The following TMEM235 variants were observed in gnomAD, a reference collection of about 807,000 sequenced individuals.
The protein encoded by TMEM235 is transmembrane protein 235.
Under a neutral mutation model 22.9 loss-of-function variants are expected in TMEM235, and 23 were observed. The observed-to-expected ratio is 1.00, with a 90% CI of 0.72 to 1.42. The LOEUF (loss-of-function observed/expected upper bound fraction) is 1.42. Ranked by LOEUF, TMEM235 falls within the 40% of genes most tolerant of loss-of-function variation. The pLI, the probability that TMEM235 is intolerant of heterozygous loss-of-function variation, is 0.00. For synonymous variants in TMEM235, 137 were observed against 140.5 expected (o/e 0.98, Z 0.17); for missense variants, 308 against 299.5 (o/e 1.03, Z -0.21).
At chr17:78,233,809 G>T (rs2076611051) in intron 2 of TMEM235, 86 bp from the exon 2 acceptor site, 4 of 1,226,238 alleles carry the variant, frequency 3.3e-6, no homozygotes, top group Non-Finnish European at 3.4e-6. Context: ...AGGGCCCTGT[G>T]GTGCCAGGGG....
chr17:78,232,294 G>A (rs779219794), intron 2 of TMEM235, 81 bp downstream of exon 1: 9 of 1,300,078 alleles, frequency 6.9e-6, no homozygotes, highest in Non-Finnish European at 8.0e-6. Context: ...TGCTCGTGTT[G>A]CCCCGCCAGA....
At position 78,239,008 on chromosome 17, in the gene TMEM235, C is replaced by T. The variant is rs2076676484; in HGVS notation, c.410-16C>T. On this transcript the variant is annotated splice_polypyrimidine_tract_variant and intron_variant, in intron 4 of 5. Transcript: ENST00000421688. ...GAGCAGACACCGAGCAGCTGCCCTCCCCATCTCTCCCCCAGGTGTCCTGAC... is the reference window on the plus strand; with the variant it reads ...GAGCAGACACCGAGCAGCTGCCCTCTCCATCTCTCCCCCAGGTGTCCTGAC... The T allele has an allele frequency of 1.3e-6, 2 of 1,531,090 alleles. No individual in the cohort carries two copies. The highest frequency in any genetic ancestry group is 8.8e-7 in the Non-Finnish European group (1 of 1,139,232). 94.8% of individuals were successfully genotyped at this position (1,531,090 alleles called of 1,614,324 possible). A position where few individuals can be genotyped will look rare whatever the true frequency, so the allele number is the denominator to read the frequency against.
At chr17:78,239,104 C>T (rs1434420782) in exon 5 of TMEM235, 5 of 1,544,172 alleles carry the variant, frequency 3.2e-6, no homozygotes, top group Non-Finnish European at 2.6e-6. Context: ...GCAGTATGGC[C>T]CGCAGCACAT....
At chr17:78,234,386 A>T (rs1170709435) in intron 3 of TMEM235, 5 of 775,992 alleles carry the variant, frequency 6.4e-6, no homozygotes, top group Non-Finnish European at 1.1e-5. Flanking sequence ...GGGGGCTGGG[A>T]GTGTTCTGGG....
intron 2 of TMEM235, among the ~76,000 whole-genome samples, chr17:78,233,028 G>A (rs998343889): frequency 2.6e-5 from 4 of 152,190 alleles, no homozygotes; most frequent in African/African-American, 9.7e-5. Flanking sequence ...TGTGTGGGTG[G>A]TGCACATGTG....
At chr17:78,239,333 C>A in intron 5 of TMEM235, 60 bp downstream of exon 4, 1 of 1,485,630 alleles carries the variant, frequency 6.7e-7, no homozygotes, top group Non-Finnish European at 8.9e-7. Context: ...GGGCCAGGGC[C>A]CCTTGAGAGT....
chr17:78,237,641 C>T lies in TMEM235; in HGVS notation c.410-1383C>T, dbSNP rs944807369. 5.1e-4 allele frequency among the ~76,000 whole-genome samples: 71 copies of T among 139,656 alleles called. No homozygotes were observed. Among genetic ancestry groups the T allele is most frequent in the Non-Finnish European group, 9.6e-4 (60 of 62,294 alleles). 91.6% of individuals were successfully genotyped at this position (139,656 alleles called of 152,430 possible). On this transcript the variant is annotated intron_variant, in intron 4 of 5. Transcript: ENST00000421688. This position sits in a 1 kb window ranked among gnomAD's most constrained non-coding sequence, Gnocchi z 4.7. ...TGGGCTGCAGCTGCAGCCAGTGCTA[C>T]AGGCAGAGACAGGCAGAGACAGGCA...
exon 5 of TMEM235, chr17:78,239,028 C>T: frequency 6.5e-7 from 1 of 1,539,568 alleles, no homozygotes; most frequent in South Asian, 1.2e-5. Context: ...CCCCAGGTGT[C>T]CTGACACTGG....
intron 5 of TMEM235, among the ~76,000 whole-genome samples, 168 bp from the exon 5 acceptor site, chr17:78,239,612 G>A (rs2145929432): frequency 6.6e-6 from 1 of 152,232 alleles, no homozygotes; most frequent in East Asian, 1.9e-4. Context: ...TCAAGGGTGT[G>A]GCCTGAACTC....
At chr17:78,239,140 T>C (rs2076680193) in exon 5 of TMEM235, 1 of 1,542,962 alleles carries the variant, frequency 6.5e-7, no homozygotes, top group Non-Finnish European at 8.7e-7. Context: ...CAGCTTCGGC[T>C]GGTCCATGGC....
chr17:78,232,143 C>A, exon 2 of TMEM235: 5 of 1,488,816 alleles, frequency 3.4e-6, no homozygotes, highest in Non-Finnish European at 4.4e-6. Flanking sequence ...CGGACGCCGG[C>A]AATGGCAGCG....
rs55893266 is a variant in TMEM235 at position 78,238,550 on chromosome 17, CTGTG to C, written c.410-441_410-438del. On this transcript the variant is annotated intron_variant, in intron 4 of 5. Transcript: ENST00000421688. This position sits in a 1 kb window ranked among gnomAD's most constrained non-coding sequence, Gnocchi z 4.3. ...GCTGCTGCCAGCAGAGGCCATGGCT[CTGTG>C]TGTGTGTGTGTGTGTGTGTGTGTGT... Among the ~76,000 whole-genome samples the C allele has an allele frequency of 0.021, 2,894 of 138,286 alleles. 38 individuals are homozygous for C. The highest frequency in any genetic ancestry group is 0.028 in the African/African-American group (1,023 of 37,164). 90.7% of individuals were successfully genotyped at this position (138,286 alleles called of 152,430 possible).
chr17:78,232,598 T>A (rs2076595720), intron 2 of TMEM235, among the ~76,000 whole-genome samples: 1 of 152,228 alleles, frequency 6.6e-6, no homozygotes, highest in Non-Finnish European at 1.5e-5. Context: ...TGTCAGGCAC[T>A]GTCAGAGCTG....
At chr17:78,239,105 C>G (rs1318573879) in exon 5 of TMEM235, 2 of 1,544,094 alleles carry the variant, frequency 1.3e-6, no homozygotes, top group Non-Finnish European at 1.7e-6. Context: ...CAGTATGGCC[C>G]GCAGCACATG....
rs1321157588 is a variant in TMEM235, at chr17:78,234,718, T to C, written c.397T>C (p.Phe133Leu). The C allele has an allele frequency of 6.5e-7, 1 of 1,536,050 alleles. No homozygotes were observed. The highest frequency in any genetic ancestry group is 2.4e-5 in the East Asian group (1 of 40,920). ...TCTGCTGCTTTTCACCGGCTGCTAC[T>C]TCCTGCTGGGGAGTGAGTCTGGGGC... is the stretch of plus-strand genomic sequence containing the variant. Residue 133 changes from phenylalanine to leucine, a missense_variant, in exon 4 of 6, where the codon TTC (phenylalanine) becomes CTC (leucine). By Grantham distance (22) the Phe-to-Leu change is conservative (BLOSUM62 0). Around this residue, in one of 2 missense-constraint regions of TMEM235, gnomAD observed 285 missense variants for 256.2 expected, o/e 1.11. Coordinates refer to ENST00000421688, the Ensembl canonical transcript of TMEM235.
rs1019322696 is a variant in TMEM235, at chr17:78,233,833, G to A, written c.191-62G>A. On this transcript the variant is annotated intron_variant, in intron 2 of 5. Coordinates refer to ENST00000421688, the Ensembl canonical transcript of TMEM235. ...TGGTGCCAGGGGGTCCCCTGGGCTC[G>A]GGTAGGCTGCTGGGTGCACCACAGC... 28 of 1,493,546 alleles carry A rather than the reference G, an allele frequency of 1.9e-5. No homozygotes were observed. In the African/African-American group the frequency reaches 1.9e-4, roughly 10 times the overall value. 92.5% of individuals were successfully genotyped at this position (1,493,546 alleles called of 1,614,324 possible). A position where few individuals can be genotyped will look rare whatever the true frequency, so the allele number is the denominator to read the frequency against.
At chr17:78,235,217 C>G (rs951255872) in intron 4 of TMEM235, among the ~76,000 whole-genome samples, 2 of 151,822 alleles carry the variant, frequency 1.3e-5, no homozygotes, top group Admixed American at 1.3e-4. Flanking sequence ...CAATCACAGG[C>G]GGAAGGCCAA....
upstream of TMEM235, chr17:78,231,307 C>A: frequency 1.0e-6 from 1 of 980,632 alleles, no homozygotes; most frequent in Non-Finnish European, 1.3e-6. Flanking sequence ...GCACCCCACG[C>A]CTGTCCTAGA....
rs998149176 is a variant in TMEM235 at position 78,237,247 on chromosome 17, C to G, written c.410-1777C>G. 1.3e-5 allele frequency among the ~76,000 whole-genome samples: 2 copies of G among 152,140 alleles called. No homozygotes were observed. The highest frequency in any genetic ancestry group is 4.8e-5 in the African/African-American group (2 of 41,430). The stretch of plus-strand genomic sequence containing the variant: ...GCACCTGCCCAGGGTCAGCTCGGCC[C>G]TCACCCCTCACTAGCACTGCAAGGA... On this transcript the variant is annotated intron_variant, in intron 4 of 5. Coordinates refer to ENST00000421688, the Ensembl canonical transcript of TMEM235. The surrounding 1 kb of genome is among the most constrained non-coding windows in gnomAD (Gnocchi z 4.7).
Sources: allele counts gnomAD v4.1 joint callset (sites outside exome capture counted in the v4.1 genomes callset), GRCh38; gene constraint gnomAD v4.1.1; regional missense constraint gnomAD v4.1.1; non-coding constraint Gnocchi (gnomAD v3.1); transcripts MANE v1.5; gene names NCBI Gene and HGNC (gene_info 2026-07-23, HGNC 2026-07-21).